The following NRG3 variants were observed in gnomAD, a reference collection of about 807,000 sequenced individuals.
NRG3 encodes the protein neuregulin 3.
Under a neutral mutation model 66.9 loss-of-function variants are expected in NRG3, and 31 were observed. That is an observed-to-expected ratio of 0.46 (90% confidence interval 0.35 to 0.63). NRG3 has a LOEUF of 0.63. Ranked by LOEUF, NRG3 falls within the 20% of genes least tolerant of loss-of-function variation. NRG3 has a pLI of 0.00. For missense variants in NRG3, 910 were observed against 878.9 expected (o/e 1.04, Z -0.45); for synonymous variants, 393 against 359.4 (o/e 1.09, Z -1.06).
chr10:82,189,130 C>T (rs1008455094), intron 1 of NRG3, among the ~76,000 whole-genome samples: 1 of 152,028 alleles, frequency 6.6e-6, no homozygotes, highest in African/African-American at 2.4e-5. Flanking sequence ...CCTTCCCAGC[C>T]TCTGGTAACT....
intron 1 of NRG3, among the ~76,000 whole-genome samples, chr10:82,186,279 G>GA: frequency 6.6e-6 from 1 of 152,080 alleles, no homozygotes; most frequent in Middle Eastern, 3.2e-3. Context: ...GAATCCAGGG[G>GA]AAATCATAAG....
chr10:82,106,200 A>G (rs115552824), intron 1 of NRG3, among the ~76,000 whole-genome samples: 1 of 151,744 alleles, frequency 6.6e-6, no homozygotes, highest in African/African-American at 2.4e-5. Flanking sequence ...GACAATTGAA[A>G]TGTAAGGTCA....
intron 2 of NRG3, among the ~76,000 whole-genome samples, chr10:82,634,843 TTG>T (rs2050078359): frequency 1.3e-5 from 2 of 152,140 alleles, no homozygotes; most frequent in Non-Finnish European, 2.9e-5. Context: ...TAATGTTACA[TTG>T]TTATAAATTG....
chr10:82,112,089 T>A (rs2132252844), intron 1 of NRG3, among the ~76,000 whole-genome samples: 1 of 151,500 alleles, frequency 6.6e-6, no homozygotes, highest in Non-Finnish European at 1.5e-5. Flanking sequence ...GTAAAAAAAA[T>A]AAAAAACAGC....
chr10:82,288,337 A>G (rs954840799), intron 1 of NRG3, among the ~76,000 whole-genome samples: 1 of 152,148 alleles, frequency 6.6e-6, no homozygotes, highest in Non-Finnish European at 1.5e-5. Flanking sequence ...TGAGGATTAG[A>G]GAGGTTAAGT....
intron 4 of NRG3, among the ~76,000 whole-genome samples, chr10:82,911,447 T>G (rs1256673405): frequency 6.6e-6 from 1 of 152,070 alleles, no homozygotes; most frequent in Non-Finnish European, 1.5e-5. Context: ...GTAGTCCTAT[T>G]CAGATTATCT....
rs192296101 is a variant in NRG3 at position 82,377,726 on chromosome 10, G to A, written c.953+18858G>A. ...TCTAAACCTAGAGAACAGTCATGGTGTGTCTGTATTGTCACATGGTGAAAG... is the reference window on the plus strand; with the variant it reads ...TCTAAACCTAGAGAACAGTCATGGTATGTCTGTATTGTCACATGGTGAAAG... On this transcript the variant is annotated intron_variant, in intron 2 of 8. Coordinates refer to ENST00000372141, the MANE Select transcript of NRG3 (RefSeq NM_001010848.4). Among the ~76,000 whole-genome samples, 87 of 152,322 alleles carry A rather than the reference G, an allele frequency of 5.7e-4. No homozygotes were observed. The East Asian group carries it at 6.4e-3, about 11-fold the overall frequency.
chr10:82,261,761 G>C lies in NRG3; in HGVS notation c.824-96978G>C, dbSNP rs572470197. Reference sequence around the variant, plus strand: ...TGTCCTTAAGGCACAGATCACTCATGCTATTTTTTTGTGGTTTAGGAACGC... The same window carrying C: ...TGTCCTTAAGGCACAGATCACTCATCCTATTTTTTTGTGGTTTAGGAACGC... On this transcript the variant is annotated intron_variant, in intron 1 of 8. Transcript: ENST00000372141. 4.5e-3 allele frequency among the ~76,000 whole-genome samples: 683 copies of C among 152,308 alleles called. 4 individuals are homozygous for C. Among genetic ancestry groups the C allele is most frequent in the Non-Finnish European group, 7.9e-3 (534 of 68,022 alleles).
chr10:82,970,976 C>A (rs1385273491), intron 6 of NRG3, among the ~76,000 whole-genome samples: 2 of 152,128 alleles, frequency 1.3e-5, no homozygotes, highest in Non-Finnish European at 2.9e-5. Context: ...GTACAAGAAG[C>A]ATGGTGCCAA....
At chr10:82,625,116 C>T (rs2049326647) in intron 2 of NRG3, among the ~76,000 whole-genome samples, 2 of 151,616 alleles carry the variant, frequency 1.3e-5, no homozygotes, top group Admixed American at 6.6e-5. Flanking sequence ...TAATCTTGGT[C>T]TCCTCTAATC....
intron 1 of NRG3, among the ~76,000 whole-genome samples, chr10:82,056,630 TG>T (rs1182991845): frequency 6.6e-6 from 1 of 152,198 alleles, no homozygotes; most frequent in Non-Finnish European, 1.5e-5. Flanking sequence ...ACATTCCATC[TG>T]GGATTTTTCA....
At chr10:82,228,025 C>T (rs369908821) in intron 1 of NRG3, among the ~76,000 whole-genome samples, 1 of 152,060 alleles carries the variant, frequency 6.6e-6, no homozygotes, top group Non-Finnish European at 1.5e-5. Context: ...ATTGATGGTC[C>T]CTGATGTTTC....
At chr10:82,182,544 A>G (rs546041883) in intron 1 of NRG3, among the ~76,000 whole-genome samples, 2 of 151,884 alleles carry the variant, frequency 1.3e-5, no homozygotes, top group East Asian at 3.9e-4. Context: ...TCTACCCTTT[A>G]TGTTACTGAT....
chr10:82,738,265 C>T (rs1591367442), intron 2 of NRG3, among the ~76,000 whole-genome samples: 1 of 152,154 alleles, frequency 6.6e-6, no homozygotes, highest in Non-Finnish European at 1.5e-5. Flanking sequence ...AATACACCTG[C>T]ATCCAGAATT....
chr10:82,124,888 G>A (rs1337658757), intron 1 of NRG3, among the ~76,000 whole-genome samples: 3 of 151,766 alleles, frequency 2.0e-5, no homozygotes, highest in African/African-American at 4.8e-5. Flanking sequence ...ATAATGGCCC[G>A]ATTGTCAGCT....
At chr10:82,029,130 A>G (rs2062451438) in intron 1 of NRG3, among the ~76,000 whole-genome samples, 1 of 152,004 alleles carries the variant, frequency 6.6e-6, no homozygotes, top group Admixed American at 6.6e-5. Flanking sequence ...AATTGCTTTA[A>G]CCTGGGAGGT....
At chr10:82,333,850 C>G (rs1383239923) in intron 1 of NRG3, among the ~76,000 whole-genome samples, 1 of 152,008 alleles carries the variant, frequency 6.6e-6, no homozygotes, top group Non-Finnish European at 1.5e-5. Flanking sequence ...CTGGATGGCT[C>G]CAATCTTTCT....
At chr10:82,861,594 A>G (rs2064130147) in intron 3 of NRG3, among the ~76,000 whole-genome samples, 1 of 152,214 alleles carries the variant, frequency 6.6e-6, no homozygotes, top group African/African-American at 2.4e-5. Context: ...CCGATGCTCC[A>G]TATCCCTTGT....
intron 2 of NRG3, among the ~76,000 whole-genome samples, chr10:82,424,485 G>A (rs886659575): frequency 9.2e-5 from 14 of 151,636 alleles, no homozygotes; most frequent in African/African-American, 2.9e-4. Context: ...TTAAAAATTG[G>A]GTGATTTGTG....
Sources: gnomAD v4.1 joint callset for allele counts (sites outside exome capture counted in the v4.1 genomes callset) on GRCh38, gnomAD v4.1.1 for gene constraint, MANE v1.5 for transcripts, NCBI Gene and HGNC (gene_info 2026-07-23, HGNC 2026-07-21) for gene names.